The following ITPR1 variants were observed in gnomAD, a reference collection of about 807,000 sequenced individuals.
The protein encoded by ITPR1 is inositol 1,4,5-trisphosphate-gated calcium channel ITPR1.
Under a neutral mutation model 318.4 loss-of-function variants are expected in ITPR1, and 96 were observed. That is an observed-to-expected ratio of 0.30 (90% CI 0.26 to 0.36). The LOEUF (loss-of-function observed/expected upper bound fraction) is 0.36. Ranked by LOEUF, ITPR1 falls within the 10% of genes least tolerant of loss-of-function variation. The pLI is 1.00. For synonymous variants in ITPR1, 1,312 were observed against 1,289.9 expected, an observed-to-expected ratio of 1.02 and a Z score of -0.37; for missense variants, 2,440 against 3,460.2, an observed-to-expected ratio of 0.71 and a Z score of 7.40.
chr3:4,783,304 G>C (rs528384269), intron 50 of ITPR1, among the ~76,000 whole-genome samples: 1 of 152,230 alleles, frequency 6.6e-6, no homozygotes, highest in South Asian at 2.1e-4. Context: ...TCGGTGGGTA[G>C]GGGCAGGCTG....
intron 26 of ITPR1, 114 bp downstream of exon 26, chr3:4,681,532 G>C: frequency 1.3e-6 from 1 of 768,580 alleles, no homozygotes. Flanking sequence ...GGTTGTTTTG[G>C]TGCTATCTTT....
chr3:4,533,234 A>G (rs909042721), intron 4 of ITPR1, among the ~76,000 whole-genome samples: 21 of 152,254 alleles, frequency 1.4e-4, no homozygotes, highest in African/African-American at 4.6e-4. Flanking sequence ...ATAGAAAAAA[A>G]CAATAGCTTT....
chr3:4,825,843 G>A (rs1229866177), intron 60 of ITPR1: 1 of 456,266 alleles, frequency 2.2e-6, no homozygotes, highest in East Asian at 6.9e-5. Context: ...AAGTGCAGGG[G>A]CTGGTGGGAG....
intron 4 of ITPR1, among the ~76,000 whole-genome samples, chr3:4,625,660 C>T (rs2092800805): frequency 6.6e-6 from 1 of 152,038 alleles, no homozygotes; most frequent in Non-Finnish European, 1.5e-5. Flanking sequence ...GGGTTCACAC[C>T]ATTTTCCTGC....
intron 54 of ITPR1, among the ~76,000 whole-genome samples, chr3:4,803,881 A>AT (rs1160337994): frequency 6.6e-6 from 1 of 151,888 alleles, no homozygotes; most frequent in East Asian, 1.9e-4. Flanking sequence ...TTTATTTTAC[A>AT]TTTTTTTTGA....
At chr3:4,800,969 C>T (rs1036580541) in intron 54 of ITPR1, among the ~76,000 whole-genome samples, 8 of 152,224 alleles carry the variant, frequency 5.3e-5, no homozygotes, top group South Asian at 2.1e-4. Context: ...ATATTAACAC[C>T]GTACCCACTT....
intron 39 of ITPR1, among the ~76,000 whole-genome samples, chr3:4,714,900 A>G (rs927569079): frequency 2.0e-5 from 3 of 152,232 alleles, no homozygotes; most frequent in Non-Finnish European, 4.4e-5. Flanking sequence ...ACATGATAGA[A>G]TCACTGTAAG....
intron 6 of ITPR1, among the ~76,000 whole-genome samples, chr3:4,640,344 G>A (rs1415752427): frequency 1.3e-5 from 2 of 152,178 alleles, no homozygotes; most frequent in Non-Finnish European, 2.9e-5. Flanking sequence ...GTTTAAATGG[G>A]TTCTTTACAT....
In ITPR1 at chr3:4,702,906, A is replaced by C. The variant is rs2094685702; in HGVS notation, c.4613A>C (p.Gln1538Pro). Residue 1538 changes from glutamine (Q) to proline (P), a missense_variant, in exon 36 of 62, where the codon CAA (glutamine) becomes CCA (proline). By Grantham distance (76) the Gln-to-Pro change is moderately conservative. Around this residue, in one of 23 missense-constraint regions of ITPR1, gnomAD observed 166 missense variants for 246.5 expected, o/e 0.67. Transcript: ENST00000649015. ...VYHCNWLMPS[Q>P]KASVESCIRV... ...CACTGCAACTGGTTAATGCCAAGCC[A>C]AAAAGCCTCCGTGGAGAGCTGTATT... 1 of 1,613,984 alleles carries C rather than the reference A, an allele frequency of 6.2e-7. No individual in the cohort carries two copies. Among genetic ancestry groups the C allele is most frequent in the Middle Eastern group, 1.6e-4 (1 of 6,062 alleles).
chr3:4,610,342 C>T (rs1486668124), intron 4 of ITPR1, among the ~76,000 whole-genome samples: 1 of 151,998 alleles, frequency 6.6e-6, no homozygotes. Flanking sequence ...CTGCAGCACA[C>T]AAGCACTTAA....
chr3:4,504,609 G>A (rs1445202573), intron 2 of ITPR1, among the ~76,000 whole-genome samples: 1 of 152,174 alleles, frequency 6.6e-6, no homozygotes, highest in Non-Finnish European at 1.5e-5. Flanking sequence ...GTGTGAAAAC[G>A]TGTGGGGAGG....
intron 16 of ITPR1, among the ~76,000 whole-genome samples, chr3:4,664,619 G>GAC (rs2093907678): frequency 6.6e-6 from 1 of 152,206 alleles, no homozygotes; most frequent in Non-Finnish European, 1.5e-5. Context: ...CTGGCTTAAT[G>GAC]CCCATGCTCA....
intron 4 of ITPR1, among the ~76,000 whole-genome samples, chr3:4,621,176 T>C (rs1400921895): frequency 6.6e-6 from 1 of 152,058 alleles, no homozygotes; most frequent in Non-Finnish European, 1.5e-5. Context: ...AAATACAAGA[T>C]ATACAAGAGG....
At chr3:4,745,025 T>C (rs1296503411) in intron 44 of ITPR1, among the ~76,000 whole-genome samples, 1 of 140,340 alleles carries the variant, frequency 7.1e-6, no homozygotes, top group Admixed American at 7.3e-5. Flanking sequence ...CCTCCTTCCC[T>C]TTCTTTTCTT....
Position 4,658,175 on chromosome 3 carries a change from A to C in ITPR1, c.1048A>C (p.Lys350Gln). 1 of 1,613,578 alleles carries C rather than the reference A, an allele frequency of 6.2e-7. No individual in the cohort carries two copies. The highest frequency in any genetic ancestry group is 8.5e-7 in the Non-Finnish European group (1 of 1,179,634). ...AAGTAGGTTGCGGAATGCCCAAGAA[A>C]AGATGGTATACTCCCTGGTCTCTGT... ...SRSRLRNAQE[K>Q]MVYSLVSVPE... The change falls in exon 13 of 62, where the codon AAG becomes CAG. Residue 350 changes from lysine to glutamine, a missense_variant. By Grantham distance (53) the Lys-to-Gln change is moderately conservative. Around this residue, in one of 23 missense-constraint regions of ITPR1, gnomAD observed 101 missense variants for 119.6 expected, o/e 0.84. Coordinates refer to ENST00000649015, the MANE Select transcript of ITPR1 (RefSeq NM_001378452.1).
At chr3:4,771,445 G>A (rs530531697) in intron 46 of ITPR1, among the ~76,000 whole-genome samples, 98 of 152,272 alleles carry the variant, frequency 6.4e-4, no homozygotes, top group African/African-American at 1.9e-3. Flanking sequence ...GGCCTGCTCC[G>A]CCTTCCCTCT....
At chr3:4,701,421 C>T (rs991523729) in intron 35 of ITPR1, among the ~76,000 whole-genome samples, 2 of 152,220 alleles carry the variant, frequency 1.3e-5, no homozygotes, top group African/African-American at 2.4e-5. Flanking sequence ...CCAGAGCTAA[C>T]AAGCAGCCAC....
intron 44 of ITPR1, among the ~76,000 whole-genome samples, chr3:4,748,969 G>T (rs748748222): frequency 6.6e-5 from 10 of 152,200 alleles, no homozygotes; most frequent in Non-Finnish European, 1.5e-4. Context: ...GGATTTAGAA[G>T]AGAAGGCACA....
intron 21 of ITPR1, 103 bp from the exon 22 acceptor site, chr3:4,674,099 G>C: frequency 1.2e-6 from 1 of 848,516 alleles, no homozygotes; most frequent in South Asian, 1.7e-5. Context: ...GTCAAGGGAT[G>C]CCAAGGGTTA....
Sources: allele counts gnomAD v4.1 joint callset (sites outside exome capture counted in the v4.1 genomes callset), GRCh38; gene constraint gnomAD v4.1.1; regional missense constraint gnomAD v4.1.1; transcripts MANE v1.5; gene names NCBI Gene and HGNC (gene_info 2026-07-23, HGNC 2026-07-21).